CAV3: variants seen among roughly 807,000 people sequenced by gnomAD.
The protein encoded by CAV3 is caveolin-3.
A neutral mutation model predicts 13.4 loss-of-function variants in CAV3; 10 were observed. The observed-to-expected ratio is 0.75, with a 90% CI of 0.46 to 1.27. The LOEUF is 1.27. Among genes scored for constraint, CAV3 ranks in the 50% most tolerant of loss-of-function variants. The pLI is 0.00. For missense variants in CAV3, 162 were observed against 194.0 expected (o/e 0.83, Z 0.98); for synonymous variants, 90 against 79.0 (o/e 1.14, Z -0.74).
chr3:8,745,621 C>T lies in CAV3; in HGVS notation c.210C>T (p.Tyr70=). ...ACACCACCTTCACTGTCTCCAAGTA[C>T]TGGTGCTACCGTCTGTTGTCCACGC... The part of the protein sequence containing the change: ...VSYTTFTVSK[Y]WCYRLLSTLL... The change falls in exon 2 of 2, where the codon TAC becomes TAT. Residue 70 remains tyrosine, a synonymous_variant. Transcript: ENST00000343849. The surrounding 1 kb of genome is among the most constrained non-coding windows in gnomAD (Gnocchi z 4.8). The T allele has an allele frequency of 2.5e-6, 4 of 1,614,130 alleles. No homozygotes were observed. Among genetic ancestry groups the T allele is most frequent in the Non-Finnish European group, 3.4e-6 (4 of 1,179,992 alleles).
At chr3:8,737,217 T>TG (rs1707787213) in intron 1 of CAV3, among the ~76,000 whole-genome samples, 1 of 152,036 alleles carries the variant, frequency 6.6e-6, no homozygotes, top group South Asian at 2.1e-4. Flanking sequence ...GCCTCACAGG[T>TG]GGTAGCAGGT....
intron 1 of CAV3, among the ~76,000 whole-genome samples, chr3:8,738,469 T>C (rs1349482552): frequency 6.6e-6 from 1 of 152,138 alleles, no homozygotes; most frequent in Non-Finnish European, 1.5e-5. Flanking sequence ...GGGGAATCCA[T>C]TCCTGGGGAG....
intron 1 of CAV3, among the ~76,000 whole-genome samples, chr3:8,738,458 C>T (rs116656641): frequency 0.015 from 2,230 of 152,218 alleles, 65 homozygotes; most frequent in African/African-American, 0.049. Flanking sequence ...CCTCCCTTGG[C>T]GGGGAATCCA....
At chr3:8,741,386 G>A (rs56112390) in intron 1 of CAV3, among the ~76,000 whole-genome samples, 16,061 of 152,160 alleles carry the variant, frequency 0.11, 982 homozygotes, top group Non-Finnish European at 0.14. Flanking sequence ...TTGGGAGACA[G>A]GACACACTGA....
chr3:8,742,418 G>T (rs766197617), intron 1 of CAV3: 64 of 408,476 alleles, frequency 1.6e-4, no homozygotes, highest in South Asian at 7.2e-4. Flanking sequence ...ACATACAGAA[G>T]CCATTGGCGG....
chr3:8,735,169 T>C (rs1575465230), intron 1 of CAV3, among the ~76,000 whole-genome samples: 1 of 152,378 alleles, frequency 6.6e-6, no homozygotes, highest in African/African-American at 2.4e-5. Context: ...ATAGGGATAC[T>C]GTTACCACAA....
chr3:8,736,952 G>C (rs1261025978), intron 1 of CAV3, among the ~76,000 whole-genome samples: 2 of 152,164 alleles, frequency 1.3e-5, no homozygotes, highest in African/African-American at 4.8e-5. Context: ...AACAGGTTTA[G>C]GTAGATTTCA....
intron 1 of CAV3, among the ~76,000 whole-genome samples, chr3:8,737,869 A>G (rs1707812448): frequency 6.6e-6 from 1 of 151,984 alleles, no homozygotes; most frequent in African/African-American, 2.4e-5. Context: ...CCCAGGTTGG[A>G]AAGGTCCTAG....
At chr3:8,741,921 G>C (rs1426837298) in intron 1 of CAV3, among the ~76,000 whole-genome samples, 2 of 152,156 alleles carry the variant, frequency 1.3e-5, no homozygotes, top group African/African-American at 4.8e-5. Flanking sequence ...CCACAGAAGG[G>C]GACACCGACA....
chr3:8,739,003 G>A (rs1456958425), intron 1 of CAV3, among the ~76,000 whole-genome samples: 1 of 152,254 alleles, frequency 6.6e-6, no homozygotes, highest in East Asian at 1.9e-4. Flanking sequence ...AGGGCAGGTT[G>A]AAACTAAATA....
At chr3:8,734,095 G>A (rs1241345778) in intron 1 of CAV3, 105 bp downstream of exon 1, 1 of 723,296 alleles carries the variant, frequency 1.4e-6, no homozygotes, top group Non-Finnish European at 2.5e-6. Context: ...TCCCTGAAAA[G>A]AGACTTGTTG....
At chr3:8,741,521 A>G (rs17297803) in intron 1 of CAV3, among the ~76,000 whole-genome samples, 14,128 of 152,134 alleles carry the variant, frequency 0.093, 874 homozygotes, top group Non-Finnish European at 0.14. Flanking sequence ...TCTTGGCCCA[A>G]TCGTCTCTGT....
In CAV3 at chr3:8,746,178, C is replaced by T. The variant is rs1708159595; in HGVS notation, c.*311C>T. On this transcript the variant is annotated 3_prime_UTR_variant, in exon 2 of 2. Transcript: ENST00000343849. ...TACTGTAACAACATAAACCAGCACG[C>T]GGTTCCCACCCGGGGCCAACCTCTC... 7.1e-6 allele frequency: 2 copies of T among 279,886 alleles called. No individual in the cohort carries two copies. Among genetic ancestry groups the T allele is most frequent in the Admixed American group, 4.6e-5 (1 of 21,540 alleles). The allele number at this position is 279,886 out of a possible 1,614,324, so 17.3% of individuals were successfully genotyped here.
intron 1 of CAV3, among the ~76,000 whole-genome samples, chr3:8,742,124 G>GAGCTATGCTTGTGCTGCATGGTAC (rs1430518449): frequency 6.6e-6 from 1 of 152,104 alleles, no homozygotes; most frequent in East Asian, 1.9e-4. Context: ...CAGCTGCCTA[G>GAGCTATGCTTGTGCTGCATGGTAC]AGCTGCCTGA....
intron 1 of CAV3, among the ~76,000 whole-genome samples, chr3:8,735,104 CTG>C (rs1707704595): frequency 6.6e-6 from 1 of 152,178 alleles, no homozygotes; most frequent in African/African-American, 2.4e-5. Context: ...AGGCCAGTGT[CTG>C]AGGCCTCTCA....
chr3:8,738,052 C>CTCTCCTCTCTCTCTATTCTCTCTCTA (rs1295200996), intron 1 of CAV3, among the ~76,000 whole-genome samples: 3 of 151,930 alleles, frequency 2.0e-5, no homozygotes, highest in Non-Finnish European at 4.4e-5. Flanking sequence ...CTCTCTCTCT[C>CTCTCCTCTCTCTCTATTCTCTCTCTA]TCTCCTCTCT....
intron 1 of CAV3, among the ~76,000 whole-genome samples, chr3:8,740,397 A>T (rs774037465): frequency 2.6e-5 from 4 of 151,944 alleles, no homozygotes; most frequent in African/African-American, 4.8e-5. Context: ...CCAAGCCCAG[A>T]GCTCCACCCA....
At chr3:8,743,483 A>G (rs1708045033) in intron 1 of CAV3, among the ~76,000 whole-genome samples, 2 of 152,084 alleles carry the variant, frequency 1.3e-5, no homozygotes, top group Admixed American at 6.5e-5. Context: ...CTCTCCTCCC[A>G]TCCACAGGGT....
intron 1 of CAV3, among the ~76,000 whole-genome samples, chr3:8,737,373 C>A (rs1707792300): frequency 6.6e-6 from 1 of 152,136 alleles, no homozygotes; most frequent in Non-Finnish European, 1.5e-5. Context: ...GTCCCTGGTG[C>A]CACCAGTCAC....
Sources: allele counts gnomAD v4.1 joint callset (sites outside exome capture counted in the v4.1 genomes callset), GRCh38; gene constraint gnomAD v4.1.1; non-coding constraint Gnocchi (gnomAD v3.1); transcripts MANE v1.5; gene names NCBI Gene and HGNC (gene_info 2026-07-23, HGNC 2026-07-21).